Variants in CPXM2 observed in about 807,000 individuals in gnomAD.
CPXM2 encodes the protein inactive carboxypeptidase-like protein X2.
CPXM2 carries 66 observed loss-of-function variants against 86.1 expected under a neutral mutation model. The ratio of observed to expected loss-of-function variants is 0.77; its 90% CI spans 0.63 to 0.94. The LOEUF is 0.94. Ranked by LOEUF, CPXM2 falls within the 40% of genes least tolerant of loss-of-function variation. The probability of loss-of-function intolerance (pLI) is 0.00; values close to 1 mark genes in which losing one functional copy is unlikely to be tolerated. For synonymous variants in CPXM2, 388 were observed against 400.2 expected, an observed-to-expected ratio of 0.97 and a Z score of 0.36; for missense variants, 948 against 1,026.3, an observed-to-expected ratio of 0.92 and a Z score of 1.04.
chr10:123,881,100 C>T (rs1416444058), intron 1 of CPXM2, among the ~76,000 whole-genome samples: 4 of 151,750 alleles, frequency 2.6e-5, no homozygotes, highest in Admixed American at 6.6e-5. Flanking sequence ...CTCCTGCTGG[C>T]CCCTTGGCTC....
chr10:123,830,868 C>G (rs61863829), intron 4 of CPXM2, among the ~76,000 whole-genome samples: 55 of 97,750 alleles, frequency 5.6e-4, no homozygotes, highest in Middle Eastern at 4.4e-3. Context: ...CTCTCTCTCT[C>G]TCTCTGTGTG....
intron 4 of CPXM2, among the ~76,000 whole-genome samples, chr10:123,806,474 A>C (rs1241866012): frequency 6.6e-6 from 1 of 152,196 alleles, no homozygotes; most frequent in African/African-American, 2.4e-5. Flanking sequence ...AGTCTTTGAA[A>C]ATAATAAAGT....
rs1215958039 is a variant in CPXM2, at chr10:123,936,164, A to T, written n.174+3313T>A. 2.1e-4 allele frequency among the ~76,000 whole-genome samples: 3 copies of T among 14,476 alleles called. No individual in the cohort carries two copies. In the Admixed American group the frequency reaches 2.5e-3, roughly 12 times the overall value. 9.5% of individuals were successfully genotyped at this position (14,476 alleles called of 152,430 possible). The stretch of plus-strand genomic sequence containing the variant: ...CACTGTGCTTTACAGCTATTATTTC[A>T]TTTAATCCCCAAAGTAGCCCTGTAA... On this transcript the variant is annotated intron_variant and non_coding_transcript_variant, in intron 2 of 19. Coordinates refer to the CPXM2 transcript ENST00000368854.
chr10:123,869,987 G>A (rs1944864604), intron 2 of CPXM2, among the ~76,000 whole-genome samples: 1 of 152,136 alleles, frequency 6.6e-6, no homozygotes, highest in Non-Finnish European at 1.5e-5. Flanking sequence ...CTGTCCAGGG[G>A]GTGGGGGGCC....
intron 2 of CPXM2, among the ~76,000 whole-genome samples, chr10:123,878,259 C>A (rs1251523081): frequency 6.6e-6 from 1 of 150,988 alleles, no homozygotes; most frequent in Non-Finnish European, 1.5e-5. Flanking sequence ...AGCTGCTTTT[C>A]CCCTCCAAGG....
intron 1 of CPXM2, among the ~76,000 whole-genome samples, chr10:123,882,787 C>A (rs1945113715): frequency 1.3e-5 from 2 of 149,782 alleles, no homozygotes; most frequent in East Asian, 2.0e-4. Context: ...GGCAACCCCC[C>A]CCCACCATAA....
intron 2 of CPXM2, among the ~76,000 whole-genome samples, chr10:123,875,560 C>T (rs1298814813): frequency 6.6e-6 from 1 of 152,154 alleles, no homozygotes; most frequent in African/African-American, 2.4e-5. Context: ...AGAGAAGAGG[C>T]TCATAACAAG....
intron 10 of CPXM2, among the ~76,000 whole-genome samples, chr10:123,762,847 G>A (rs1012176049): frequency 3.9e-5 from 6 of 152,146 alleles, no homozygotes; most frequent in Admixed American, 6.5e-5. Context: ...AGATCAAATC[G>A]ACAATGACAA....
intron 4 of CPXM2, among the ~76,000 whole-genome samples, chr10:123,833,713 C>T (rs552617039): frequency 6.6e-5 from 10 of 152,328 alleles, no homozygotes; most frequent in South Asian, 2.1e-4. Flanking sequence ...TACTCAAGGC[C>T]GGTGGCAACT....
intron 2 of CPXM2, among the ~76,000 whole-genome samples, chr10:123,916,837 G>A (rs1257278418): frequency 6.6e-6 from 1 of 151,758 alleles, no homozygotes; most frequent in Non-Finnish European, 1.5e-5. Context: ...GAGTGCAGTG[G>A]TGCAATCATA....
At chr10:123,799,263 G>A (rs1386887107) in intron 4 of CPXM2, 64 bp from the exon 5 acceptor site, 3 of 1,595,482 alleles carry the variant, frequency 1.9e-6, no homozygotes, top group Admixed American at 1.7e-5. Context: ...CCATGAAGAG[G>A]TTTAGAAGTG....
chr10:123,851,777 A>G (rs1403759067), intron 3 of CPXM2, among the ~76,000 whole-genome samples: 2 of 152,014 alleles, frequency 1.3e-5, no homozygotes, highest in Non-Finnish European at 2.9e-5. Context: ...TCAAAAAAAA[A>G]AAAAAAAAGG....
chr10:123,822,776 T>G (rs1445261821), intron 4 of CPXM2, among the ~76,000 whole-genome samples: 1 of 151,896 alleles, frequency 6.6e-6, no homozygotes, highest in Non-Finnish European at 1.5e-5. Context: ...TTGAAAAACT[T>G]TATCGAGAAG....
chr10:123,800,987 A>G (rs1301295828), intron 4 of CPXM2, among the ~76,000 whole-genome samples: 1 of 152,190 alleles, frequency 6.6e-6, no homozygotes, highest in East Asian at 1.9e-4. Flanking sequence ...CTGACGTGAC[A>G]GTCCACCAGA....
intron 2 of CPXM2, among the ~76,000 whole-genome samples, chr10:123,915,438 G>A (rs570367856): frequency 6.6e-6 from 1 of 152,260 alleles, no homozygotes; most frequent in Non-Finnish European, 1.5e-5. Flanking sequence ...GGCGCCTGTA[G>A]TCCCAGCTAT....
chr10:123,934,699 C>G (rs780657663), intron 2 of CPXM2, among the ~76,000 whole-genome samples: 1 of 152,136 alleles, frequency 6.6e-6, no homozygotes, highest in African/African-American at 2.4e-5. Flanking sequence ...GATGGGGAAG[C>G]TCTGTGTTCA....
At chr10:123,838,985 T>C (rs1475470692) in intron 4 of CPXM2, among the ~76,000 whole-genome samples, 2 of 152,226 alleles carry the variant, frequency 1.3e-5, no homozygotes, top group Non-Finnish European at 2.9e-5. Context: ...CAGCTTTCTC[T>C]GTCTATATTT....
intron 6 of CPXM2, among the ~76,000 whole-genome samples, chr10:123,796,605 T>A (rs1847340507): frequency 6.6e-6 from 1 of 152,216 alleles, no homozygotes; most frequent in Non-Finnish European, 1.5e-5. Context: ...GCTAGCAAGA[T>A]CATGAATACT....
At position 123,891,677 on chromosome 10, in the gene CPXM2, C is replaced by T. The variant is rs1452288833; in HGVS notation, c.-18G>A. Reference sequence around the variant, plus strand: ...CGGGACATGCCTGCTCCGCCCCGCGCCCAGGGCAGGGTCACGGTCACCGGG... The same window carrying T: ...CGGGACATGCCTGCTCCGCCCCGCGTCCAGGGCAGGGTCACGGTCACCGGG... On this transcript the variant is annotated 5_prime_UTR_variant, in exon 1 of 14. Coordinates refer to ENST00000241305, the MANE Select transcript of CPXM2 (RefSeq NM_198148.3). The surrounding 1 kb of genome is among the most constrained non-coding windows in gnomAD (Gnocchi z 5.6). 5.1e-6 allele frequency: 7 copies of T among 1,367,456 alleles called. No homozygotes were observed. The highest frequency in any genetic ancestry group is 6.6e-6 in the Non-Finnish European group (7 of 1,061,480). 84.7% of individuals were successfully genotyped at this position (1,367,456 alleles called of 1,614,324 possible).
Sources: gnomAD v4.1 joint callset for allele counts (sites outside exome capture counted in the v4.1 genomes callset) on GRCh38, gnomAD v4.1.1 for gene constraint, Gnocchi (gnomAD v3.1) non-coding constraint, MANE v1.5 for transcripts, NCBI Gene and HGNC (gene_info 2026-07-23, HGNC 2026-07-21) for gene names.